The following L3MBTL1 variants were observed in gnomAD, a reference collection of about 807,000 sequenced individuals.
The protein encoded by L3MBTL1 is lethal(3)malignant brain tumor-like protein 1.
A neutral mutation model predicts 105.3 loss-of-function variants in L3MBTL1; 75 were observed. The observed-to-expected ratio is 0.71, with a 90% CI of 0.59 to 0.86. The LOEUF is 0.86. L3MBTL1 is among the 40% of genes least tolerant of loss of function. The pLI, the probability that L3MBTL1 is intolerant of heterozygous loss-of-function variation, is 0.00. For missense variants in L3MBTL1, 1,069 were observed against 1,126.4 expected (o/e 0.95, Z 0.73); for synonymous variants, 452 against 436.2 (o/e 1.04, Z -0.45).
chr20:43,541,978 C>T (rs1018069228), downstream of L3MBTL1: 34 of 826,892 alleles, frequency 4.1e-5, no homozygotes, highest in African/African-American at 5.7e-4. Flanking sequence ...CGGGAGGCCA[C>T]GGTGGGTGGA....
At chr20:43,509,672 G>A (rs1262193933) in intron 1 of L3MBTL1, among the ~76,000 whole-genome samples, 1 of 152,214 alleles carries the variant, frequency 6.6e-6, no homozygotes, top group East Asian at 1.9e-4. Flanking sequence ...GCACAGAATG[G>A]TGGTGACACC....
At chr20:43,540,111 C>T in intron 19 of L3MBTL1, 40 bp from the exon 20 acceptor site, 8 of 1,605,160 alleles carry the variant, frequency 5.0e-6, no homozygotes, top group Non-Finnish European at 6.8e-6. Flanking sequence ...ACAGTTTAGT[C>T]ATCCTCGTTG....
chr20:43,518,653 T>C (rs1229894982), intron 7 of L3MBTL1, among the ~76,000 whole-genome samples: 5 of 151,976 alleles, frequency 3.3e-5, no homozygotes, highest in Admixed American at 6.6e-5. Context: ...CCATGGATAG[T>C]ACTGAACCCT....
intron 19 of L3MBTL1, 36 bp from the exon 20 acceptor site, chr20:43,540,115 C>T (rs762124943): frequency 6.2e-6 from 10 of 1,606,028 alleles, no homozygotes; most frequent in East Asian, 2.2e-5. Context: ...TTTAGTCATC[C>T]TCGTTGGCCT....
Position 43,515,572 on chromosome 20 carries a change from TA to T in L3MBTL1, c.777+158del, listed in dbSNP as rs2018347037. Reference sequence around the variant, plus strand: ...TGGGGTCCCATCCTGAGTTAGGTCCTATACCTGGTTAAAGGGAAATGAATTA... The same window carrying T: ...TGGGGTCCCATCCTGAGTTAGGTCCTTACCTGGTTAAAGGGAAATGAATTA... On this transcript the variant is annotated intron_variant, in intron 6 of 21. Transcript: ENST00000418998. 1.9e-5 allele frequency: 16 copies of T among 844,920 alleles called. 1 individual carries two copies. The South Asian group carries it at 3.0e-4, about 16-fold the overall frequency. The allele number at this position is 844,920 out of a possible 1,614,324, so 52.3% of individuals were successfully genotyped here.
In L3MBTL1 at chr20:43,515,057, A is replaced by T. The variant is rs1226637873; in HGVS notation, c.551A>T (p.Glu184Val). The change falls in exon 5 of 22, where the codon GAG becomes GTG. Residue 184 changes from glutamate (E) to valine (V), a missense_variant. By Grantham distance (121) the Glu-to-Val change is moderately radical (BLOSUM62 -2). Transcript: ENST00000418998. ...PPEDPNQDPP[E>V]DDSTCQCQAC... ...GAAGATCCCAATCAGGACCCCCCAGAGGATGATAGCACCTGTCAGTGCCAG... is the reference window on the plus strand; with the variant it reads ...GAAGATCCCAATCAGGACCCCCCAGTGGATGATAGCACCTGTCAGTGCCAG... The T allele has an allele frequency of 2.5e-6, 4 of 1,614,006 alleles. No individual in the cohort carries two copies. Among genetic ancestry groups the T allele is most frequent in the Non-Finnish European group, 8.5e-7 (1 of 1,179,978 alleles).
At chr20:43,543,767 G>C (rs1202046956), downstream of L3MBTL1, among the ~76,000 whole-genome samples, 1 of 152,200 alleles carries the variant, frequency 6.6e-6, no homozygotes, top group Non-Finnish European at 1.5e-5. Flanking sequence ...TCATGAGTGA[G>C]GAATTAGAGC....
chr20:43,538,174 A>G (rs565241637), intron 19 of L3MBTL1, among the ~76,000 whole-genome samples: 1 of 152,276 alleles, frequency 6.6e-6, no homozygotes, highest in Non-Finnish European at 1.5e-5. Flanking sequence ...CCCTCAGAGT[A>G]AGGACTCCTA....
intron 19 of L3MBTL1, among the ~76,000 whole-genome samples, chr20:43,537,432 T>C (rs948867143): frequency 4.6e-5 from 7 of 152,200 alleles, no homozygotes; most frequent in Admixed American, 6.5e-5. Flanking sequence ...GTGTCCAAAG[T>C]GTCTCTTCTT....
chr20:43,522,385 T>G (rs1180570358), intron 7 of L3MBTL1, among the ~76,000 whole-genome samples: 1 of 145,658 alleles, frequency 6.9e-6, no homozygotes, highest in Non-Finnish European at 1.5e-5. Context: ...AGATATAATA[T>G]CAATACACAA....
rs1207958099 is a variant in L3MBTL1, at chr20:43,514,514, G to A, written c.361-121G>A. 12 of 1,555,878 alleles carry A rather than the reference G, an allele frequency of 7.7e-6. No homozygotes were observed. The Middle Eastern group carries it at 8.3e-4, about 108-fold the overall frequency. ...TTGGAGTGAGGCCCCCTGGCGTGGAGTCTTGAGGCCTGCTGAGGGCGTGAG... is the reference window on the plus strand; with the variant it reads ...TTGGAGTGAGGCCCCCTGGCGTGGAATCTTGAGGCCTGCTGAGGGCGTGAG... On this transcript the variant is annotated intron_variant, in intron 3 of 21. Coordinates refer to ENST00000418998, the MANE Select transcript of L3MBTL1 (RefSeq NM_001377303.1).
chr20:43,510,281 T>C (rs1218244055), intron 1 of L3MBTL1, among the ~76,000 whole-genome samples: 1 of 152,178 alleles, frequency 6.6e-6, no homozygotes, highest in Non-Finnish European at 1.5e-5. Context: ...ATTATAGGCG[T>C]GAGCCACCAC....
chr20:43,514,911 G>A, intron 4 of L3MBTL1, 98 bp from the exon 5 acceptor site: 4 of 1,498,096 alleles, frequency 2.7e-6, no homozygotes, highest in Non-Finnish European at 2.7e-6. Context: ...CCGATGCGGA[G>A]ATGGACCGAG....
chr20:43,516,924 C>G (rs937127308), intron 7 of L3MBTL1, among the ~76,000 whole-genome samples: 1 of 152,076 alleles, frequency 6.6e-6, no homozygotes. Context: ...TCCTGAGTAG[C>G]TGGGACCACA....
intron 7 of L3MBTL1, among the ~76,000 whole-genome samples, chr20:43,517,963 C>T (rs1342097425): frequency 6.6e-6 from 1 of 152,196 alleles, no homozygotes; most frequent in Non-Finnish European, 1.5e-5. Context: ...TTTATGGCCT[C>T]TTAAGACTTA....
intron 8 of L3MBTL1, 150 bp downstream of exon 8, chr20:43,528,895 G>A (rs1221819858): frequency 3.9e-5 from 26 of 664,248 alleles, no homozygotes; most frequent in African/African-American, 1.4e-4. Context: ...GGCCCAGAGT[G>A]GAAAAGGGCC....
At chr20:43,515,611 A>G in intron 6 of L3MBTL1, 196 bp downstream of exon 6, 2 of 653,052 alleles carry the variant, frequency 3.1e-6, no homozygotes, top group Non-Finnish European at 5.0e-6. Context: ...CACTCTCTTG[A>G]TTTTCCAGAG....
intron 7 of L3MBTL1, among the ~76,000 whole-genome samples, chr20:43,528,148 C>T (rs185846501): frequency 7.9e-5 from 12 of 152,332 alleles, no homozygotes; most frequent in Non-Finnish European, 1.8e-4. Context: ...CTGCCTCGGC[C>T]TCCCAAAGTG....
intron 7 of L3MBTL1, among the ~76,000 whole-genome samples, chr20:43,526,042 A>G (rs999557944): frequency 1.3e-5 from 2 of 152,168 alleles, no homozygotes; most frequent in African/African-American, 4.8e-5. Flanking sequence ...GGTAAGAGAT[A>G]ATGGCAGATA....
Sources: allele counts gnomAD v4.1 joint callset (sites outside exome capture counted in the v4.1 genomes callset), GRCh38; gene constraint gnomAD v4.1.1; transcripts MANE v1.5; gene names NCBI Gene and HGNC (gene_info 2026-07-23, HGNC 2026-07-21).